Variants in SDR42E2 observed in about 807,000 individuals in gnomAD.
SDR42E2 encodes short chain dehydrogenase/reductase family 42E, member 2.
Under a neutral mutation model 10.5 loss-of-function variants are expected in SDR42E2, and 20 were observed. The observed-to-expected ratio is 1.90, with a 90% CI of 1.34 to 2.77. SDR42E2 has a LOEUF of 2.77. SDR42E2 is among the 30% of genes most tolerant of loss of function. The pLI is 0.00. For missense variants in SDR42E2, 162 were observed against 104.2 expected (o/e 1.55, Z -2.42); for synonymous variants, 72 against 39.2 (o/e 1.84, Z -3.12).
At chr16:22,172,735 G>C (rs1036150610) in intron 7 of SDR42E2, among the ~76,000 whole-genome samples, 1 of 152,194 alleles carries the variant, frequency 6.6e-6, no homozygotes, top group African/African-American at 2.4e-5. Context: ...AGGCCCAAAA[G>C]CTCAAGCTTC....
chr16:22,167,351 AT>A (rs2046552763), intron 4 of SDR42E2, among the ~76,000 whole-genome samples: 1 of 151,282 alleles, frequency 6.6e-6, no homozygotes, highest in Non-Finnish European at 1.5e-5. Flanking sequence ...CGCCCAGCTA[AT>A]TTTTGTATTT....
intron 4 of SDR42E2, among the ~76,000 whole-genome samples, 165 bp downstream of exon 4, chr16:22,167,164 C>CTTTT: frequency 9.4e-6 from 1 of 106,618 alleles, no homozygotes; most frequent in Non-Finnish European, 1.8e-5. Flanking sequence ...CCAGTTCTGC[C>CTTTT]ATTTTTTTTT....
intron 12 of SDR42E2, among the ~76,000 whole-genome samples, chr16:22,187,689 A>G (rs2046745357): frequency 6.6e-6 from 1 of 152,052 alleles, no homozygotes; most frequent in African/African-American, 2.4e-5. Context: ...TCAGAATACT[A>G]TTCTCATAAT....
chr16:22,185,870 T>C (rs2046733104), intron 11 of SDR42E2, among the ~76,000 whole-genome samples: 1 of 151,904 alleles, frequency 6.6e-6, no homozygotes, highest in African/African-American at 2.4e-5. Context: ...GCCTCCAGAG[T>C]AGTGGAGGTA....
intron 3 of SDR42E2, 63 bp downstream of exon 3, chr16:22,166,497 T>C (rs953441929): frequency 1.2e-5 from 5 of 402,358 alleles, no homozygotes; most frequent in African/African-American, 2.1e-5. Flanking sequence ...CAGTGTTTGA[T>C]GTGAAACCTG....
At chr16:22,167,153 A>C (rs1416320020) in intron 4 of SDR42E2, among the ~76,000 whole-genome samples, 154 bp downstream of exon 4, 2 of 121,108 alleles carry the variant, frequency 1.7e-5, no homozygotes, top group African/African-American at 3.2e-5. Flanking sequence ...GACACCAAAT[A>C]CCAGTTCTGC....
chr16:22,171,146 G>A (rs66683208), intron 6 of SDR42E2, among the ~76,000 whole-genome samples, 195 bp downstream of exon 6: 8,469 of 152,296 alleles, frequency 0.056, 286 homozygotes, highest in South Asian at 0.12. Context: ...AAATCAGACA[G>A]GTCTGGCCTT....
At chr16:22,180,809 C>T (rs552362672) in intron 8 of SDR42E2, among the ~76,000 whole-genome samples, 115 of 152,280 alleles carry the variant, frequency 7.6e-4, no homozygotes, top group African/African-American at 2.7e-3. Context: ...GAGTTTGAGA[C>T]CAGCCTGGCC....
chr16:22,184,739 A>G (rs901394430), intron 11 of SDR42E2, among the ~76,000 whole-genome samples: 1 of 152,222 alleles, frequency 6.6e-6, no homozygotes, highest in South Asian at 2.1e-4. Flanking sequence ...TGGTGCCGGA[A>G]GCAAGTGCCT....
intron 1 of SDR42E2, among the ~76,000 whole-genome samples, chr16:22,164,449 C>T (rs145253014): frequency 6.6e-5 from 10 of 152,280 alleles, no homozygotes; most frequent in African/African-American, 2.4e-4. Context: ...TTCCCAGCTG[C>T]TTGTGGGGCT....
chr16:22,173,813 G>A (rs1222671611), intron 7 of SDR42E2, among the ~76,000 whole-genome samples: 1 of 149,456 alleles, frequency 6.7e-6, no homozygotes, highest in Non-Finnish European at 1.5e-5. Context: ...CTTGAGTTTA[G>A]GAGTTCGAGA....
intron 8 of SDR42E2, among the ~76,000 whole-genome samples, chr16:22,179,331 T>C (rs930120946): frequency 6.6e-6 from 1 of 152,130 alleles, no homozygotes; most frequent in Admixed American, 6.5e-5. Context: ...TTAAGGAATG[T>C]GGTCAACCCC....
chr16:22,185,086 G>C (rs2046726984), intron 11 of SDR42E2, among the ~76,000 whole-genome samples: 2 of 152,096 alleles, frequency 1.3e-5, no homozygotes, highest in Admixed American at 1.3e-4. Context: ...TGTCCCTGAA[G>C]GTCAGTCTCT....
In SDR42E2 at chr16:22,169,418, G is replaced by T; in HGVS notation, c.337-27G>T. 3 of 703,362 alleles carry T rather than the reference G, an allele frequency of 4.3e-6. No homozygotes were observed. The South Asian group carries it at 4.4e-5, about 10-fold the overall frequency. The allele number at this position is 703,362 out of a possible 1,614,324, so 43.6% of individuals were successfully genotyped here. A position where few individuals can be genotyped will look rare whatever the true frequency, so the allele number is the denominator to read the frequency against. The stretch of plus-strand genomic sequence containing the variant: ...AGCAAGAAGGCATGGGTAGCACCAT[G>T]ACTTTCTCACCTGTCTTGTCTTTTA... On this transcript the variant is annotated intron_variant, in intron 4 of 12. Coordinates refer to ENST00000602312, the MANE Select transcript of SDR42E2 (RefSeq NM_001394319.2).
chr16:22,162,998 G>C (rs1409781846), intron 1 of SDR42E2, among the ~76,000 whole-genome samples: 1 of 152,148 alleles, frequency 6.6e-6, no homozygotes, highest in Non-Finnish European at 1.5e-5. Context: ...CTTTGCGCCA[G>C]GCACTGTTCT....
At chr16:22,169,039 G>A (rs982747131) in intron 4 of SDR42E2, among the ~76,000 whole-genome samples, 3 of 152,088 alleles carry the variant, frequency 2.0e-5, no homozygotes, top group African/African-American at 4.8e-5. Context: ...CAGCTCCCTC[G>A]TGAGGGCCCA....
intron 7 of SDR42E2, among the ~76,000 whole-genome samples, chr16:22,172,869 C>T (rs1406296430): frequency 2.6e-5 from 4 of 152,210 alleles, no homozygotes; most frequent in African/African-American, 9.6e-5. Flanking sequence ...CAGCCTCAAA[C>T]TCCTGGGCTT....
rs909326695 is a variant in SDR42E2 at position 22,186,782 on chromosome 16, C to A, written c.1002C>A (p.Leu334=). The A allele has an allele frequency of 1.2e-5, 5 of 400,274 alleles. No individual in the cohort carries two copies. The highest frequency in any genetic ancestry group is 1.8e-5 in the Non-Finnish European group (4 of 225,990). The allele number at this position is 400,274 out of a possible 1,614,324, so 24.8% of individuals were successfully genotyped here. A position where few individuals can be genotyped will look rare whatever the true frequency, so the allele number is the denominator to read the frequency against. Residue 334 remains leucine (L), a synonymous_variant, in exon 12 of 13, where the codon CTC becomes CTA. Coordinates refer to ENST00000602312, the MANE Select transcript of SDR42E2 (RefSeq NM_001394319.2). ...LRPICSLPPL[L]TRSEVRSVAV... is the part of the protein sequence containing the mutation. ...CCATCTGCAGCCTCCCACCGCTGCTCACTCGTAGTGAGGTAAGTGGGCTGC... is the reference window on the plus strand; with the variant it reads ...CCATCTGCAGCCTCCCACCGCTGCTAACTCGTAGTGAGGTAAGTGGGCTGC...
At position 22,181,651 on chromosome 16, in the gene SDR42E2, G is replaced by A. The variant is rs370415957; in HGVS notation, c.805G>A (p.Val269Met). ...AEALTTAKGY[V>M]ASGQAYYIND... ...GGCCCTCACCACGGCCAAGGGCTAC[G>A]TGGCTGTGAGTCCCCTCTGATGCCC... Residue 269 changes from valine to methionine, a missense_variant, in exon 9 of 13, where the codon GTG becomes ATG. Coordinates refer to ENST00000602312, the MANE Select transcript of SDR42E2 (RefSeq NM_001394319.2). 22 of 702,818 alleles carry A rather than the reference G, an allele frequency of 3.1e-5. No individual in the cohort carries two copies. Among genetic ancestry groups the A allele is most frequent in the Admixed American group, 1.0e-4 (5 of 49,998 alleles). 43.5% of individuals were successfully genotyped at this position (702,818 alleles called of 1,614,324 possible).
Sources: gnomAD v4.1 joint callset for allele counts (sites outside exome capture counted in the v4.1 genomes callset) on GRCh38, gnomAD v4.1.1 for gene constraint, MANE v1.5 for transcripts, NCBI Gene and HGNC (gene_info 2026-07-23, HGNC 2026-07-21) for gene names.